Variants in RBKS observed in about 807,000 individuals in gnomAD.
The protein encoded by RBKS is ribokinase.
Under a neutral mutation model 33.9 loss-of-function variants are expected in RBKS, and 33 were observed. That is an observed-to-expected ratio of 0.97 (90% CI 0.74 to 1.30). RBKS has a LOEUF of 1.30. Ranked by LOEUF, RBKS falls within the 50% of genes most tolerant of loss-of-function variation. The pLI, the probability that RBKS is intolerant of heterozygous loss-of-function variation, is 0.00. For synonymous variants in RBKS, 125 were observed against 143.0 expected (o/e 0.87, Z 0.90); for missense variants, 361 against 392.6 (o/e 0.92, Z 0.68).
In RBKS at chr2:27,781,512, C is replaced by A; in HGVS notation, c.*103G>T. 1.1e-6 allele frequency: 1 copy of A among 887,496 alleles called. No homozygotes were observed. Among genetic ancestry groups the A allele is most frequent in the Non-Finnish European group, 1.7e-6 (1 of 591,088 alleles). The allele number at this position is 887,496 out of a possible 1,614,324, so 55.0% of individuals were successfully genotyped here. ...GACTTCGTAAAAGAACTAATATTTG[C>A]AAAGAAAGGGGACGAGGACATTTTC... On this transcript the variant is annotated 3_prime_UTR_variant, in exon 8 of 8. Coordinates refer to ENST00000302188, the MANE Select transcript of RBKS (RefSeq NM_022128.3).
chr2:27,861,366 CAGGGATGACT>C, intron 1 of RBKS: 3 of 417,672 alleles, frequency 7.2e-6, no homozygotes, highest in Non-Finnish European at 5.1e-6. Flanking sequence ...GGGAGACTGG[CAGGGATGACT>C]GGGCAACTGT....
intron 2 of RBKS, among the ~76,000 whole-genome samples, chr2:27,852,458 C>T (rs1028093703): frequency 6.6e-6 from 1 of 152,150 alleles, no homozygotes; most frequent in African/African-American, 2.4e-5. Flanking sequence ...ACTCTTATCA[C>T]TGGGAGGGAT....
intron 4 of RBKS, among the ~76,000 whole-genome samples, chr2:27,844,812 A>G (rs1663590226): frequency 6.6e-6 from 1 of 152,174 alleles, no homozygotes; most frequent in African/African-American, 2.4e-5. Flanking sequence ...TGGCTACTAG[A>G]CAATTTAAAA....
At chr2:27,798,952 G>GC (rs1677718647) in intron 7 of RBKS, among the ~76,000 whole-genome samples, 1 of 152,146 alleles carries the variant, frequency 6.6e-6, no homozygotes, top group Admixed American at 6.5e-5. Flanking sequence ...CCCTCTGGCT[G>GC]CCCCCTGCCC....
At chr2:27,863,991 C>A (rs1222884556) in intron 1 of RBKS, among the ~76,000 whole-genome samples, 3 of 152,102 alleles carry the variant, frequency 2.0e-5, no homozygotes, top group Non-Finnish European at 4.4e-5. Context: ...ATAAATTATG[C>A]TTTATGCAGT....
intron 7 of RBKS, among the ~76,000 whole-genome samples, chr2:27,814,157 G>T (rs545886368): frequency 6.6e-6 from 1 of 152,252 alleles, no homozygotes; most frequent in South Asian, 2.1e-4. Flanking sequence ...GGAGTTTGAG[G>T]CTACAGTGAA....
intron 2 of RBKS, among the ~76,000 whole-genome samples, chr2:27,850,310 A>C (rs1281996945): frequency 2.6e-5 from 4 of 152,226 alleles, no homozygotes; most frequent in Non-Finnish European, 5.9e-5. Flanking sequence ...ACAACTGATA[A>C]ACCTACATGA....
intron 7 of RBKS, among the ~76,000 whole-genome samples, chr2:27,820,970 G>A (rs964547618): frequency 2.0e-5 from 3 of 148,804 alleles, no homozygotes; most frequent in Admixed American, 1.3e-4. Flanking sequence ...AACCGGGGAG[G>A]CAGAGGTTGC....
intron 1 of RBKS, among the ~76,000 whole-genome samples, chr2:27,882,666 T>C (rs1664442023): frequency 6.6e-6 from 1 of 152,078 alleles, no homozygotes; most frequent in Non-Finnish European, 1.5e-5. Flanking sequence ...AGCAAAGACA[T>C]GGAATCAACC....
At chr2:27,828,053 G>C (rs1181801913) in intron 6 of RBKS, among the ~76,000 whole-genome samples, 2 of 152,182 alleles carry the variant, frequency 1.3e-5, no homozygotes, top group East Asian at 1.9e-4. Flanking sequence ...TTTCCTCTTA[G>C]GAGATGTATG....
intron 7 of RBKS, among the ~76,000 whole-genome samples, chr2:27,806,778 G>C (rs944127813): frequency 6.6e-6 from 1 of 152,150 alleles, no homozygotes; most frequent in Admixed American, 6.5e-5. Flanking sequence ...TCTTAAACTT[G>C]AGCATGCACT....
chr2:27,884,214 AACAAAT>A (rs1425929650), intron 1 of RBKS, among the ~76,000 whole-genome samples: 2 of 152,194 alleles, frequency 1.3e-5, no homozygotes, highest in Non-Finnish European at 2.9e-5. Context: ...TATTATGTCA[AACAAAT>A]ACAAACTTTG....
intron 1 of RBKS, among the ~76,000 whole-genome samples, chr2:27,878,296 T>C (rs1664354512): frequency 6.6e-6 from 1 of 152,046 alleles, no homozygotes; most frequent in Admixed American, 6.6e-5. Context: ...CTTTTTGTTC[T>C]TGCGATAGTT....
rs773129344 is a variant in RBKS at position 27,781,693 on chromosome 2, A to C, written c.891T>G (p.Ile297Met). 1 of 1,614,138 alleles carries C rather than the reference A, an allele frequency of 6.2e-7. No homozygotes were observed. The highest frequency in any genetic ancestry group is 8.5e-7 in the Non-Finnish European group (1 of 1,180,022). Residue 297 changes from isoleucine to methionine, a missense_variant, in exon 8 of 8, where the codon ATT becomes ATG. Transcript: ENST00000302188. ...LEDMLNRSNF[I>M]AAVSVQAAGT... The stretch of plus-strand genomic sequence containing the variant: ...CTGCAGCCTGGACACTGACTGCTGC[A>C]ATGAAATTGGATCTGTTGAGCATGT...
intron 1 of RBKS, among the ~76,000 whole-genome samples, chr2:27,889,148 GGAAATTTGGTAACACA>G (rs1573087922): frequency 6.6e-6 from 1 of 152,082 alleles, no homozygotes; most frequent in East Asian, 1.9e-4. Flanking sequence ...TAATCTCAGT[GGAAATTTGGTAACACA>G]GCTTATAAAT....
chr2:27,875,365 T>C (rs1250078397), intron 1 of RBKS, among the ~76,000 whole-genome samples: 1 of 152,134 alleles, frequency 6.6e-6, no homozygotes, highest in African/African-American at 2.4e-5. Context: ...CTGGGCAACA[T>C]GGCGAGACCT....
At chr2:27,789,949 G>GTATATATATATATATATATA (rs35109548) in intron 7 of RBKS, among the ~76,000 whole-genome samples, 6 of 121,512 alleles carry the variant, frequency 4.9e-5, no homozygotes, top group Non-Finnish European at 9.8e-5. Context: ...ATGTATATGT[G>GTATATATATATATATATATA]TATATATATA....
chr2:27,804,201 TA>T (rs969035046), intron 7 of RBKS, among the ~76,000 whole-genome samples: 5 of 152,156 alleles, frequency 3.3e-5, no homozygotes, highest in African/African-American at 1.2e-4. Context: ...CTATTGGATT[TA>T]AAAAAACAAC....
rs1194031660 is a variant in RBKS, at chr2:27,878,356, G to A, written c.89+11901C>T. 5.5e-4 allele frequency among the ~76,000 whole-genome samples: 84 copies of A among 151,646 alleles called. 1 individual carries two copies. The South Asian group carries it at 7.5e-3, about 14-fold the overall frequency. On this transcript the variant is annotated intron_variant, in intron 1 of 7. Coordinates refer to ENST00000302188, the MANE Select transcript of RBKS (RefSeq NM_022128.3). ...TCATCCATGTCCCTACAAAGGACAT[G>A]AACTCATCATTTTTTATGGCTGCAT... is the stretch of plus-strand genomic sequence containing the variant.
Sources: allele counts gnomAD v4.1 joint callset (sites outside exome capture counted in the v4.1 genomes callset), GRCh38; gene constraint gnomAD v4.1.1; transcripts MANE v1.5; gene names NCBI Gene and HGNC (gene_info 2026-07-23, HGNC 2026-07-21).